The following EPHA6 variants were observed in gnomAD, a reference collection of about 807,000 sequenced individuals.
EPHA6 encodes the protein ephrin type-A receptor 6.
In EPHA6, 50 loss-of-function variants were observed where a neutral mutation model predicts 112.0. The ratio of observed to expected loss-of-function variants is 0.45; its 90% CI spans 0.36 to 0.56. The LOEUF (loss-of-function observed/expected upper bound fraction) is 0.56. EPHA6 is among the 20% of genes least tolerant of loss of function. The pLI is 0.00. For missense variants in EPHA6, 1,280 were observed against 1,417.4 expected (o/e 0.90, Z 1.56); for synonymous variants, 529 against 490.7 (o/e 1.08, Z -1.03).
At chr3:97,709,200 A>G (rs1360241116) in intron 14 of EPHA6, among the ~76,000 whole-genome samples, 1 of 151,574 alleles carries the variant, frequency 6.6e-6, no homozygotes, top group African/African-American at 2.4e-5. Flanking sequence ...CCAGCCTGTG[A>G]AAGCAGCCAA....
At chr3:96,850,978 C>T (rs1478561616) in intron 1 of EPHA6, among the ~76,000 whole-genome samples, 1 of 151,934 alleles carries the variant, frequency 6.6e-6, no homozygotes, top group East Asian at 1.9e-4. Context: ...AAATAATTAT[C>T]ACTTAGTATA....
intron 4 of EPHA6, among the ~76,000 whole-genome samples, chr3:97,228,539 G>GTA (rs112022130): frequency 0.015 from 2,194 of 145,986 alleles, 39 homozygotes; most frequent in African/African-American, 0.044. Flanking sequence ...GTGTGTGTGT[G>GTA]TATATATATA....
At chr3:96,877,028 A>G (rs2037002335) in intron 2 of EPHA6, among the ~76,000 whole-genome samples, 1 of 152,124 alleles carries the variant, frequency 6.6e-6, no homozygotes, top group Non-Finnish European at 1.5e-5. Context: ...ATGGCATAGT[A>G]AGTGCTATAT....
At chr3:97,560,234 T>A (rs1163349859) in intron 11 of EPHA6, among the ~76,000 whole-genome samples, 2 of 151,698 alleles carry the variant, frequency 1.3e-5, no homozygotes, top group Non-Finnish European at 2.9e-5. Context: ...AGAAAAGAAA[T>A]TCCAGGAGAA....
chr3:97,211,531 C>T (rs1332553808), intron 3 of EPHA6, among the ~76,000 whole-genome samples: 1 of 152,148 alleles, frequency 6.6e-6, no homozygotes, highest in Non-Finnish European at 1.5e-5. Context: ...TACCCTCTTC[C>T]TTATTTGCAG....
intron 5 of EPHA6, among the ~76,000 whole-genome samples, chr3:97,371,872 G>A (rs1233058336): frequency 3.3e-5 from 5 of 152,106 alleles, no homozygotes; most frequent in African/African-American, 9.7e-5. Context: ...GATGAAATAA[G>A]TCCCGGTCTC....
intron 7 of EPHA6, among the ~76,000 whole-genome samples, chr3:97,452,129 A>T (rs907120913): frequency 6.6e-6 from 1 of 151,946 alleles, no homozygotes; most frequent in Non-Finnish European, 1.5e-5. Flanking sequence ...ACATAGTGGC[A>T]TCTGAAGAAA....
intron 10 of EPHA6, among the ~76,000 whole-genome samples, chr3:97,520,916 T>C (rs1257606631): frequency 2.6e-5 from 4 of 152,284 alleles, no homozygotes; most frequent in Admixed American, 2.6e-4. Context: ...TTTATTTTTG[T>C]AGACTGGTTT....
chr3:97,436,856 C>A (rs2107258670), intron 6 of EPHA6, among the ~76,000 whole-genome samples: 1 of 152,178 alleles, frequency 6.6e-6, no homozygotes, highest in East Asian at 1.9e-4. Context: ...CTTAATCTGT[C>A]CTATAATCCA....
intron 10 of EPHA6, among the ~76,000 whole-genome samples, chr3:97,525,343 T>C (rs2092603780): frequency 6.6e-6 from 1 of 152,170 alleles, no homozygotes; most frequent in Non-Finnish European, 1.5e-5. Flanking sequence ...TTTGGTTCTT[T>C]TCCACGGTTT....
At chr3:97,531,964 A>G (rs1368228204) in intron 10 of EPHA6, among the ~76,000 whole-genome samples, 1 of 152,074 alleles carries the variant, frequency 6.6e-6, no homozygotes, top group Admixed American at 6.6e-5. Context: ...TTAACTACAC[A>G]TTCCTGATGG....
intron 12 of EPHA6, among the ~76,000 whole-genome samples, chr3:97,603,252 A>C (rs139802607): frequency 2.8e-4 from 42 of 151,946 alleles, no homozygotes; most frequent in Non-Finnish European, 4.3e-4. Context: ...AGGAAGGAGG[A>C]CATCACTGAA....
chr3:96,826,327 A>C (rs895367202), intron 1 of EPHA6, among the ~76,000 whole-genome samples: 1 of 152,034 alleles, frequency 6.6e-6, no homozygotes, highest in African/African-American at 2.4e-5. Flanking sequence ...TACTACACAC[A>C]TAAGACACTT....
In EPHA6 at chr3:97,761,310, G is replaced by T. The variant is rs1037037992; in HGVS notation, c.*12609G>T. ...CTCAATATGAGGGGTTGTTTGTGGT[G>T]AATTGCATAACATATGTCATCTATT... is the stretch of plus-strand genomic sequence containing the variant. On this transcript the variant is annotated 3_prime_UTR_variant, in exon 18 of 18. Transcript: ENST00000389672. 1.0e-5 allele frequency: 2 copies of T among 193,794 alleles called. No individual in the cohort carries two copies. Among genetic ancestry groups the T allele is most frequent in the Admixed American group, 6.1e-5 (1 of 16,372 alleles). 12.0% of individuals were successfully genotyped at this position (193,794 alleles called of 1,614,324 possible). A position where few individuals can be genotyped will look rare whatever the true frequency, so the allele number is the denominator to read the frequency against.
intron 6 of EPHA6, among the ~76,000 whole-genome samples, chr3:97,428,779 C>T (rs934996242): frequency 2.6e-5 from 4 of 152,098 alleles, no homozygotes; most frequent in East Asian, 1.9e-4. Context: ...GCCTGAGATC[C>T]GGGTACTAGA....
intron 11 of EPHA6, among the ~76,000 whole-genome samples, chr3:97,549,675 T>C (rs1445938760): frequency 6.6e-6 from 1 of 152,100 alleles, no homozygotes; most frequent in Non-Finnish European, 1.5e-5. Context: ...GTGGGCATTG[T>C]GGCACACACC....
chr3:97,723,634 C>T (rs139839672), intron 15 of EPHA6, among the ~76,000 whole-genome samples: 70 of 152,018 alleles, frequency 4.6e-4, no homozygotes, highest in East Asian at 1.5e-3. Context: ...ATGGTCTTGA[C>T]GTGCATTACC....
intron 3 of EPHA6, among the ~76,000 whole-genome samples, chr3:97,145,551 T>C (rs2076023153): frequency 1.3e-5 from 2 of 151,546 alleles, no homozygotes; most frequent in South Asian, 2.1e-4. Flanking sequence ...AAAAAAAACA[T>C]TTTAATGCAT....
chr3:97,105,292 CT>C (rs1247576208), intron 3 of EPHA6, among the ~76,000 whole-genome samples: 3 of 152,094 alleles, frequency 2.0e-5, no homozygotes, highest in Non-Finnish European at 4.4e-5. Context: ...CCTCTTAACA[CT>C]GTCTTAGCCC....
Sources: allele counts gnomAD v4.1 joint callset (sites outside exome capture counted in the v4.1 genomes callset), GRCh38; gene constraint gnomAD v4.1.1; transcripts MANE v1.5; gene names NCBI Gene and HGNC (gene_info 2026-07-23, HGNC 2026-07-21).